RANBP2: variants seen among roughly 807,000 people sequenced by gnomAD.
RANBP2 encodes E3 SUMO-protein ligase RanBP2.
RANBP2 carries 57 observed loss-of-function variants against 303.6 expected under a neutral mutation model. The observed-to-expected ratio is 0.19, with a 90% CI of 0.15 to 0.23. The LOEUF (loss-of-function observed/expected upper bound fraction) is 0.23. RANBP2 is among the 10% of genes least tolerant of loss of function. The probability of loss-of-function intolerance (pLI) is 1.00; values close to 1 mark genes in which losing one functional copy is unlikely to be tolerated. For synonymous variants in RANBP2, 1,167 were observed against 1,301.5 expected (o/e 0.90, Z 2.23); for missense variants, 3,138 against 3,780.8 (o/e 0.83, Z 4.46).
At chr2:109,369,207 G>C in the RANBP2 span, among the ~76,000 whole-genome samples, 7 of 151,612 alleles carry the variant, frequency 4.6e-5, no homozygotes. Context: ...AATTAGCCGG[G>C]AGTGGTGGTG....
At chr2:109,493,049 A>G in the RANBP2 span, among the ~76,000 whole-genome samples, 1 of 152,146 alleles carries the variant, frequency 6.6e-6, no homozygotes, top group East Asian at 1.9e-4. Context: ...TACCCCACAT[A>G]CATCATACAA....
At chr2:109,524,853 A>G in the RANBP2 span, among the ~76,000 whole-genome samples, 2 of 152,248 alleles carry the variant, frequency 1.3e-5, no homozygotes, top group South Asian at 4.1e-4. Flanking sequence ...ATTATAGAAT[A>G]TATAGAAAAG....
chr2:109,052,569 C>T, the RANBP2 span, among the ~76,000 whole-genome samples: 1 of 152,122 alleles, frequency 6.6e-6, no homozygotes, highest in Admixed American at 6.6e-5. Context: ...GGCAAACATT[C>T]CAAAAATTTA....
At chr2:109,189,187 T>G in the RANBP2 span, among the ~76,000 whole-genome samples, 3 of 151,912 alleles carry the variant, frequency 2.0e-5, no homozygotes, top group African/African-American at 7.3e-5. Flanking sequence ...TGGAAAATGC[T>G]GCTTCTGATA....
the RANBP2 span, among the ~76,000 whole-genome samples, chr2:109,204,036 C>T: frequency 2.6e-5 from 4 of 152,118 alleles, no homozygotes; most frequent in South Asian, 4.1e-4. Flanking sequence ...ATCTTTGAGA[C>T]GTCAGGAGGC....
the RANBP2 span, chr2:109,615,286 C>A: frequency 6.3e-7 from 1 of 1,593,332 alleles, no homozygotes; most frequent in Non-Finnish European, 8.5e-7. Flanking sequence ...ACGCTGGACC[C>A]CCTGGAGCAC....
At chr2:109,159,161 G>A in the RANBP2 span, among the ~76,000 whole-genome samples, 1 of 152,190 alleles carries the variant, frequency 6.6e-6, no homozygotes, top group African/African-American at 2.4e-5. Flanking sequence ...GTTCACCCAT[G>A]AGAAGGGGAC....
the RANBP2 span, among the ~76,000 whole-genome samples, chr2:109,430,704 T>C: frequency 6.6e-6 from 1 of 152,260 alleles, no homozygotes; most frequent in Non-Finnish European, 1.5e-5. Flanking sequence ...AATCACACCC[T>C]GGTTTCTCTC....
chr2:109,735,517 T>C, the RANBP2 span, among the ~76,000 whole-genome samples: 21 of 152,298 alleles, frequency 1.4e-4, no homozygotes, highest in Admixed American at 2.6e-4. Flanking sequence ...TTAGTAGCCA[T>C]GTGTTAGCCA....
chr2:108,725,627 G>C (rs1391863152), intron 1 of RANBP2, among the ~76,000 whole-genome samples: 1 of 152,064 alleles, frequency 6.6e-6, no homozygotes, highest in Non-Finnish European at 1.5e-5. Context: ...GGGCATGGTG[G>C]CGTGCGCCTG....
the RANBP2 span, among the ~76,000 whole-genome samples, chr2:109,604,257 T>C: frequency 1.4e-5 from 2 of 146,592 alleles, no homozygotes; most frequent in Non-Finnish European, 3.0e-5. Flanking sequence ...GACAGGAGAA[T>C]TGCTTGAACC....
At chr2:109,348,601 G>A in the RANBP2 span, among the ~76,000 whole-genome samples, 1 of 152,158 alleles carries the variant, frequency 6.6e-6, no homozygotes, top group African/African-American at 2.4e-5. Flanking sequence ...CCAAGTGCTC[G>A]GCCAATAAGC....
chr2:108,930,910 C>T, the RANBP2 span: 2 of 1,586,108 alleles, frequency 1.3e-6, no homozygotes, highest in Admixed American at 1.7e-5. Flanking sequence ...AAGAAACAGT[C>T]CAACCATCAT....
the RANBP2 span, chr2:108,910,630 C>T: frequency 2.1e-6 from 3 of 1,405,108 alleles, no homozygotes; most frequent in African/African-American, 2.8e-5. Flanking sequence ...CAGAGCTGCC[C>T]GGTGTCTGTG....
chr2:109,084,526 C>G, the RANBP2 span, among the ~76,000 whole-genome samples: 1 of 152,172 alleles, frequency 6.6e-6, no homozygotes, highest in Non-Finnish European at 1.5e-5. Context: ...CAGGAGCTGG[C>G]CCAAGACCAG....
At position 108,747,225 on chromosome 2, in the gene RANBP2, T is replaced by C. The variant is rs186022063; in HGVS notation, c.1063+427T>C. 4.9e-3 allele frequency among the ~76,000 whole-genome samples: 740 copies of C among 152,332 alleles called. 8 individuals carry two copies. The highest frequency in any genetic ancestry group is 0.017 in the African/African-American group (702 of 41,580). On this transcript the variant is annotated intron_variant, in intron 8 of 28. Coordinates refer to ENST00000283195, the MANE Select transcript of RANBP2 (RefSeq NM_006267.5). ...GGAAGATAGAAGATATATACTTACC[T>C]TATATTAGGCTCTTGGAATTTGTGG... is the stretch of plus-strand genomic sequence containing the variant.
the RANBP2 span, among the ~76,000 whole-genome samples, chr2:109,453,292 GC>G: frequency 1.3e-5 from 2 of 152,192 alleles, no homozygotes; most frequent in African/African-American, 2.4e-5. Flanking sequence ...CTGTGGCCAG[GC>G]CCCCAACACC....
chr2:109,580,810 C>G, the RANBP2 span, among the ~76,000 whole-genome samples: 1 of 152,206 alleles, frequency 6.6e-6, no homozygotes, highest in Non-Finnish European at 1.5e-5. Flanking sequence ...CTTTTATGAG[C>G]CCTACCATGT....
At chr2:109,277,047 A>G in the RANBP2 span, among the ~76,000 whole-genome samples, 1 of 152,160 alleles carries the variant, frequency 6.6e-6, no homozygotes, top group African/African-American at 2.4e-5. Flanking sequence ...GGCAGGCACC[A>G]TGCTCTGTGC....
Sources: gnomAD v4.1 joint callset for allele counts (sites outside exome capture counted in the v4.1 genomes callset) on GRCh38, gnomAD v4.1.1 for gene constraint, MANE v1.5 for transcripts, NCBI Gene and HGNC (gene_info 2026-07-23, HGNC 2026-07-21) for gene names.